SLC22A15: variants seen among roughly 807,000 people sequenced by gnomAD.
SLC22A15 encodes the protein solute carrier family 22 member 15, also known as flipt 1.
In SLC22A15, 45 loss-of-function variants were observed where a neutral mutation model predicts 62.7. The ratio of observed to expected loss-of-function variants is 0.72; its 90% CI spans 0.56 to 0.92. The LOEUF (loss-of-function observed/expected upper bound fraction) is 0.92, where lower values mean the gene tolerates loss of function less well. Ranked by LOEUF, SLC22A15 falls within the 40% of genes least tolerant of loss-of-function variation. The pLI is 0.00. For missense variants in SLC22A15, 622 were observed against 665.6 expected (o/e 0.93, Z 0.72); for synonymous variants, 264 against 267.0 (o/e 0.99, Z 0.11).
At chr1:115,998,201 T>G (rs7527213) in intron 2 of SLC22A15, among the ~76,000 whole-genome samples, 35,944 of 152,060 alleles carry the variant, frequency 0.24, 4,917 homozygotes, top group East Asian at 0.48. Context: ...TGTTGAGAAT[T>G]TTTGCATCAA....
chr1:116,038,520 A>G (rs1016465163), intron 8 of SLC22A15, among the ~76,000 whole-genome samples: 8 of 152,210 alleles, frequency 5.3e-5, no homozygotes, highest in Non-Finnish European at 1.2e-4. Flanking sequence ...AATACTTAGA[A>G]CAGCTTTAAA....
intron 6 of SLC22A15, among the ~76,000 whole-genome samples, chr1:116,034,300 A>C (rs543698892): frequency 7.9e-4 from 120 of 152,216 alleles, no homozygotes; most frequent in African/African-American, 2.8e-3. Flanking sequence ...GTTTTGTTTT[A>C]TTTTAATAAT....
chr1:116,029,233 C>G (rs553365018), intron 5 of SLC22A15, among the ~76,000 whole-genome samples: 22 of 152,256 alleles, frequency 1.4e-4, no homozygotes, highest in Admixed American at 1.2e-3. Flanking sequence ...ACATTTTTAC[C>G]TAGCTTAAAA....
chr1:116,030,839 C>G (rs1381431939), intron 5 of SLC22A15, among the ~76,000 whole-genome samples: 1 of 152,056 alleles, frequency 6.6e-6, no homozygotes, highest in Non-Finnish European at 1.5e-5. Context: ...TTAAGATAAT[C>G]TCTACCTCCT....
At chr1:116,011,024 A>G (rs979266457) in intron 2 of SLC22A15, among the ~76,000 whole-genome samples, 4 of 152,148 alleles carry the variant, frequency 2.6e-5, no homozygotes, top group Non-Finnish European at 5.9e-5. Context: ...TATGCCCTGA[A>G]CAGTCATGTG....
intron 2 of SLC22A15, among the ~76,000 whole-genome samples, chr1:115,998,360 T>C (rs1001053298): frequency 1.3e-5 from 2 of 152,102 alleles, no homozygotes; most frequent in African/African-American, 4.8e-5. Context: ...TTGAGTAGGA[T>C]TGGTATTAGT....
intron 8 of SLC22A15, among the ~76,000 whole-genome samples, chr1:116,043,806 T>A (rs140180669): frequency 6.6e-6 from 1 of 152,156 alleles, no homozygotes; most frequent in South Asian, 2.1e-4. Context: ...AGGCATTTAA[T>A]AAGGGAATAT....
At chr1:115,980,363 C>T (rs1224628620) in intron 1 of SLC22A15, among the ~76,000 whole-genome samples, 1 of 152,038 alleles carries the variant, frequency 6.6e-6, no homozygotes, top group Non-Finnish European at 1.5e-5. Flanking sequence ...CCCTTGAGCA[C>T]GTGCATAGGG....
intron 2 of SLC22A15, among the ~76,000 whole-genome samples, chr1:116,006,915 C>T (rs138573066): frequency 6.6e-4 from 100 of 152,072 alleles, no homozygotes; most frequent in African/African-American, 2.2e-3. Context: ...CTCGCTTCCT[C>T]ACCCTGTCTC....
chr1:116,022,442 C>T lies in SLC22A15; in HGVS notation c.598+1557C>T, dbSNP rs150872419. Among the ~76,000 whole-genome samples the T allele has an allele frequency of 1.7e-4, 26 of 152,254 alleles. 1 individual carries two copies. The East Asian group carries it at 4.8e-3, about 28-fold the overall frequency. On this transcript the variant is annotated intron_variant, in intron 4 of 11. Transcript: ENST00000369503. The stretch of plus-strand genomic sequence containing the variant: ...AGTTTTCCTGAGGTCCAAAATTGTG[C>T]TCATGTAGAGCACCATGAATACATA...
intron 6 of SLC22A15, chr1:116,032,640 C>G (rs1358492753): frequency 1.0e-6 from 1 of 985,222 alleles, no homozygotes; most frequent in Non-Finnish European, 1.2e-6. Flanking sequence ...GCTGCTTTCC[C>G]CCACAGAACC....
chr1:116,004,962 G>T (rs548860935), intron 2 of SLC22A15, among the ~76,000 whole-genome samples: 1 of 152,248 alleles, frequency 6.6e-6, no homozygotes, highest in South Asian at 2.1e-4. Context: ...GTGTAGAATT[G>T]TTCATAGTAT....
chr1:116,025,394 C>T (rs1657038472), intron 4 of SLC22A15, among the ~76,000 whole-genome samples: 1 of 152,210 alleles, frequency 6.6e-6, no homozygotes, highest in African/African-American at 2.4e-5. Context: ...CCTCATCCCA[C>T]TACTCATTGG....
chr1:115,996,379 G>C (rs1048672824), intron 2 of SLC22A15, among the ~76,000 whole-genome samples: 4 of 152,142 alleles, frequency 2.6e-5, no homozygotes, highest in African/African-American at 7.2e-5. Flanking sequence ...GATAGAAGTT[G>C]TGTTAAACCT....
intron 2 of SLC22A15, among the ~76,000 whole-genome samples, chr1:116,000,625 C>CTTTTTTTTTTT (rs56303802): frequency 1.1e-5 from 1 of 88,214 alleles, no homozygotes; most frequent in Non-Finnish European, 2.2e-5. Context: ...CTTTTTTTTC[C>CTTTTTTTTTTT]TTTTTTTTTT....
intron 2 of SLC22A15, among the ~76,000 whole-genome samples, chr1:116,017,061 A>G (rs1656571592): frequency 6.6e-6 from 1 of 152,198 alleles, no homozygotes; most frequent in South Asian, 2.1e-4. Context: ...TCTGATGCCC[A>G]CCTGCTTCAC....
chr1:115,981,079 T>C (rs922768233), intron 1 of SLC22A15, among the ~76,000 whole-genome samples: 6 of 152,210 alleles, frequency 3.9e-5, no homozygotes, highest in African/African-American at 1.4e-4. Flanking sequence ...TATCTGCTTA[T>C]ACGTGGCACC....
At chr1:116,043,002 T>C (rs541238166) in intron 8 of SLC22A15, among the ~76,000 whole-genome samples, 1 of 152,154 alleles carries the variant, frequency 6.6e-6, no homozygotes, top group South Asian at 2.1e-4. Flanking sequence ...AAACTAAAAA[T>C]CACCAACAGA....
chr1:116,021,425 A>C (rs1383168825), intron 4 of SLC22A15, among the ~76,000 whole-genome samples: 1 of 152,244 alleles, frequency 6.6e-6, no homozygotes, highest in Non-Finnish European at 1.5e-5. Flanking sequence ...AGATAGTAAA[A>C]TAAATGATTT....
Sources: allele counts gnomAD v4.1 joint callset (sites outside exome capture counted in the v4.1 genomes callset), GRCh38; gene constraint gnomAD v4.1.1; transcripts MANE v1.5; gene names NCBI Gene and HGNC (gene_info 2026-07-23, HGNC 2026-07-21).